The following ANK3 variants were observed in gnomAD, a reference collection of about 807,000 sequenced individuals.
The protein encoded by ANK3 is ankyrin-3.
Under a neutral mutation model 370.9 loss-of-function variants are expected in ANK3, and 57 were observed. The observed-to-expected ratio is 0.15, with a 90% CI of 0.12 to 0.19. ANK3 has a LOEUF of 0.19. Among genes scored for constraint, ANK3 ranks in the 10% least tolerant of loss-of-function variants. ANK3 has a pLI of 1.00. For missense variants in ANK3, 4,439 were observed against 5,302.1 expected (o/e 0.84, Z 5.06); for synonymous variants, 1,929 against 1,946.3 (o/e 0.99, Z 0.23).
intron 1 of ANK3, among the ~76,000 whole-genome samples, chr10:60,345,931 G>A (rs563524453): frequency 1.9e-4 from 29 of 152,102 alleles, no homozygotes; most frequent in African/African-American, 6.7e-4. Flanking sequence ...CTAAAAACTA[G>A]TTCAAAAATA....
intron 1 of ANK3, among the ~76,000 whole-genome samples, chr10:60,284,877 C>T (rs2098221702): frequency 6.6e-6 from 1 of 152,106 alleles, no homozygotes; most frequent in African/African-American, 2.4e-5. Context: ...ACCTCATCTT[C>T]CCAGCTACCT....
chr10:60,511,547 G>A (rs2076080042), intron 2 of ANK3, among the ~76,000 whole-genome samples: 1 of 152,162 alleles, frequency 6.6e-6, no homozygotes, highest in Non-Finnish European at 1.5e-5. Context: ...GTGTCTCACA[G>A]AGGGTATCCT....
chr10:60,425,060 A>T (rs559749098), intron 2 of ANK3, among the ~76,000 whole-genome samples: 22 of 152,168 alleles, frequency 1.4e-4, no homozygotes, highest in African/African-American at 5.1e-4. Context: ...CACTATGTTC[A>T]TAGGGTGCTT....
In ANK3 at chr10:60,389,757, C is replaced by T. The variant is rs1566988641; in HGVS notation, c.-219G>A. The T allele has an allele frequency of 5.7e-6, 8 of 1,398,824 alleles. No homozygotes were observed. In the Admixed American group the frequency reaches 1.5e-4, roughly 26 times the overall value. The allele number at this position is 1,398,824 out of a possible 1,614,324, so 86.7% of individuals were successfully genotyped here. A position where few individuals can be genotyped will look rare whatever the true frequency, so the allele number is the denominator to read the frequency against. ...GACTTCATCCTACACCTTCCTCTAC[C>T]TGAACCTTTACAGGAGAGTGCAGCC... is the stretch of plus-strand genomic sequence containing the variant. On this transcript the variant is annotated 5_prime_UTR_variant, in exon 1 of 44. Transcript: ENST00000280772.
At chr10:60,230,765 T>C (rs2097229225) in intron 8 of ANK3, among the ~76,000 whole-genome samples, 1 of 152,024 alleles carries the variant, frequency 6.6e-6, no homozygotes, top group South Asian at 2.1e-4. Flanking sequence ...GGCGGGCACC[T>C]GTAGTCCCAG....
At chr10:60,606,235 T>C (rs898282535) in intron 2 of ANK3, among the ~76,000 whole-genome samples, 14 of 152,096 alleles carry the variant, frequency 9.2e-5, no homozygotes, top group African/African-American at 3.4e-4. Flanking sequence ...ATTAGAAAAA[T>C]AATAAACACA....
intron 28 of ANK3, among the ~76,000 whole-genome samples, chr10:60,096,232 C>T (rs1040596499): frequency 6.6e-6 from 1 of 151,914 alleles, no homozygotes; most frequent in African/African-American, 2.4e-5. Context: ...AGTCAGATTT[C>T]CAGACAAATA....
At chr10:60,706,038 G>C (rs2079612456) in intron 1 of ANK3, among the ~76,000 whole-genome samples, 1 of 151,946 alleles carries the variant, frequency 6.6e-6, no homozygotes, top group South Asian at 2.1e-4. Flanking sequence ...TGCCCAGGCT[G>C]GTCTTAAACT....
At chr10:60,490,026 C>CA (rs35712384) in intron 2 of ANK3, among the ~76,000 whole-genome samples, 19,770 of 152,112 alleles carry the variant, frequency 0.13, 1,494 homozygotes, top group African/African-American at 0.21. Flanking sequence ...GCCTAGTGCA[C>CA]ACTCCCCACT....
At chr10:60,412,805 A>G (rs932363415) in intron 2 of ANK3, among the ~76,000 whole-genome samples, 1 of 152,214 alleles carries the variant, frequency 6.6e-6, no homozygotes. Flanking sequence ...TTTAATGACA[A>G]TCAGAACTTT....
chr10:60,207,422 T>C (rs1468839377), intron 10 of ANK3, among the ~76,000 whole-genome samples: 1 of 152,188 alleles, frequency 6.6e-6, no homozygotes, highest in Non-Finnish European at 1.5e-5. Context: ...TATTCTGAAA[T>C]AGACAGCTTA....
chr10:60,308,375 C>G (rs1299814768), intron 1 of ANK3, among the ~76,000 whole-genome samples: 1 of 142,220 alleles, frequency 7.0e-6, no homozygotes, highest in Non-Finnish European at 1.5e-5. Flanking sequence ...TCTCGGCTCA[C>G]TGCAACCTCC....
At chr10:60,527,505 C>A (rs1382724547) in intron 2 of ANK3, among the ~76,000 whole-genome samples, 3 of 152,020 alleles carry the variant, frequency 2.0e-5, no homozygotes, top group Non-Finnish European at 2.9e-5. Context: ...AGCATATAAA[C>A]CTGCCTAAGG....
intron 1 of ANK3, among the ~76,000 whole-genome samples, chr10:60,668,233 AGAC>A (rs2079023364): frequency 6.6e-6 from 1 of 151,500 alleles, no homozygotes; most frequent in African/African-American, 2.5e-5. Context: ...ATAACTCATC[AGAC>A]GAAGGGCTAA....
intron 43 of ANK3, among the ~76,000 whole-genome samples, chr10:60,038,407 G>T (rs2075500403): frequency 6.6e-6 from 1 of 152,042 alleles, no homozygotes; most frequent in African/African-American, 2.4e-5. Context: ...AATAAAAGAA[G>T]AAACAAAAAG....
At chr10:60,305,525 T>C in intron 1 of ANK3, among the ~76,000 whole-genome samples, 1 of 152,240 alleles carries the variant, frequency 6.6e-6, no homozygotes, top group East Asian at 1.9e-4. Flanking sequence ...CTGTCTTTAG[T>C]GAGAAGAGAC....
At chr10:60,685,583 T>C (rs1028697455) in intron 1 of ANK3, among the ~76,000 whole-genome samples, 1 of 152,208 alleles carries the variant, frequency 6.6e-6, no homozygotes, top group African/African-American at 2.4e-5. Flanking sequence ...CCCGCGCTCA[T>C]GAAGAGAAGG....
intron 1 of ANK3, among the ~76,000 whole-genome samples, chr10:60,303,258 G>A (rs2044234467): frequency 2.0e-5 from 3 of 152,020 alleles, no homozygotes; most frequent in East Asian, 1.9e-4. Context: ...AACAATCAAC[G>A]AAATGAACCA....
At chr10:60,427,033 C>T (rs1310290799) in intron 2 of ANK3, among the ~76,000 whole-genome samples, 3 of 152,064 alleles carry the variant, frequency 2.0e-5, no homozygotes, top group Non-Finnish European at 4.4e-5. Context: ...CAATTCTATG[C>T]CACCAGGCTG....
Sources: gnomAD v4.1 joint callset for allele counts (sites outside exome capture counted in the v4.1 genomes callset) on GRCh38, gnomAD v4.1.1 for gene constraint, MANE v1.5 for transcripts, NCBI Gene and HGNC (gene_info 2026-07-23, HGNC 2026-07-21) for gene names.